Variants in PER2 observed in about 807,000 individuals in gnomAD.
PER2 encodes period circadian protein homolog 2.
Under a neutral mutation model 121.0 loss-of-function variants are expected in PER2, and 66 were observed. The observed-to-expected ratio is 0.55, with a 90% CI of 0.45 to 0.67. The LOEUF (loss-of-function observed/expected upper bound fraction) is 0.67, where lower values mean the gene tolerates loss of function less well. PER2 is among the 30% of genes least tolerant of loss of function. The probability of loss-of-function intolerance (pLI) is 0.00; values close to 1 mark genes in which losing one functional copy is unlikely to be tolerated. For synonymous variants in PER2, 684 were observed against 659.9 expected (o/e 1.04, Z -0.56); for missense variants, 1,521 against 1,635.0 (o/e 0.93, Z 1.20).
rs1695409798 is a variant in PER2, at chr2:238,245,057, A to AG, written c.*1317_*1318insC. The stretch of plus-strand genomic sequence containing the variant: ...AAACTCCATCTAAAAAAAAAAAAAA[A>AG]AAAAAAAAAAAAAGAAAACCCTGGT... On this transcript the variant is annotated 3_prime_UTR_variant, in exon 23 of 23. Coordinates refer to ENST00000254657, the MANE Select transcript of PER2 (RefSeq NM_022817.3). 1 of 150,422 alleles carries AG rather than the reference A, an allele frequency of 6.6e-6. No individual in the cohort carries two copies. The highest frequency in any genetic ancestry group is 1.5e-5 in the Non-Finnish European group (1 of 67,660). The allele number at this position is 150,422 out of a possible 1,614,324, so 9.3% of individuals were successfully genotyped here.
rs1574836012 is a variant in PER2, at chr2:238,246,401, T to G, written c.3742A>C (p.Asn1248His). The G allele has an allele frequency of 6.2e-7, 1 of 1,612,476 alleles. No individual in the cohort carries two copies. The highest frequency in any genetic ancestry group is 1.7e-4 in the Middle Eastern group (1 of 6,052). Residue 1248 changes from asparagine to histidine, a missense_variant, in exon 23 of 23, where the codon AAT (asparagine) becomes CAT (histidine). Coordinates refer to ENST00000254657, the MANE Select transcript of PER2 (RefSeq NM_022817.3). Reference protein sequence around the residue: ...TKEDENGSPLNHRIEEQT With the variant: ...TKEDENGSPLHHRIEEQT The stretch of plus-strand genomic sequence containing the variant: ...TACGTCTGCTCTTCGATCCTGTGAT[T>G]CAAGGGGGATCCATTTTCGTCTTCT...
At chr2:238,255,479 C>G in intron 18 of PER2, 178 bp downstream of exon 18, 2 of 677,690 alleles carry the variant, frequency 3.0e-6, no homozygotes, top group Non-Finnish European at 5.2e-6. Flanking sequence ...CCCGAGAGCA[C>G]CCCCCCGGTG....
At chr2:238,272,627 T>C (rs1696324678) in intron 5 of PER2, among the ~76,000 whole-genome samples, 2 of 152,268 alleles carry the variant, frequency 1.3e-5, no homozygotes, top group South Asian at 4.1e-4. Flanking sequence ...TGTGTGTATG[T>C]GGCCCATGTG....
Position 238,245,757 on chromosome 2 carries a change from C to T in PER2, c.*618G>A. 1 of 398,266 alleles carries T rather than the reference C, an allele frequency of 2.5e-6. No individual in the cohort carries two copies. Among genetic ancestry groups the T allele is most frequent in the Non-Finnish European group, 4.4e-6 (1 of 225,906 alleles). 24.7% of individuals were successfully genotyped at this position (398,266 alleles called of 1,614,324 possible). ...ATGTTTCAACTTTGTTCACTACAAA[C>T]AAAACCTATGTCAGACTGAAATATT... On this transcript the variant is annotated 3_prime_UTR_variant, in exon 23 of 23. Coordinates refer to ENST00000254657, the MANE Select transcript of PER2 (RefSeq NM_022817.3).
In PER2 at chr2:238,245,948, A is replaced by G. The variant is rs1695435959; in HGVS notation, c.*427T>C. ...TAATTCAGATAAAAAGCAGTCCCCA[A>G]GAGAGGACAAAATTTGATCTGATCC... On this transcript the variant is annotated 3_prime_UTR_variant, in exon 23 of 23. Coordinates refer to ENST00000254657, the MANE Select transcript of PER2 (RefSeq NM_022817.3). 2 of 273,384 alleles carry G rather than the reference A, an allele frequency of 7.3e-6. No individual in the cohort carries two copies. Among genetic ancestry groups the G allele is most frequent in the Non-Finnish European group, 1.4e-5 (2 of 148,144 alleles). 16.9% of individuals were successfully genotyped at this position (273,384 alleles called of 1,614,324 possible).
intron 4 of PER2, among the ~76,000 whole-genome samples, chr2:238,274,386 T>C (rs1470410973): frequency 6.6e-6 from 1 of 152,270 alleles, no homozygotes; most frequent in Non-Finnish European, 1.5e-5. Context: ...GTGTGCTTCC[T>C]GCAATGTGGT....
In PER2 at chr2:238,288,448, C is replaced by T. The variant is rs1696857516; in HGVS notation, c.-119G>A. On this transcript the variant is annotated 5_prime_UTR_variant, in exon 1 of 23. Coordinates refer to ENST00000254657, the MANE Select transcript of PER2 (RefSeq NM_022817.3). ...CGAGCGCACCCTGCGCGCGGCTCGA[C>T]CACTCTCCACCTGGGACAGGGCCAA... 1 of 152,272 alleles carries T rather than the reference C, an allele frequency of 6.6e-6. No homozygotes were observed. The highest frequency in any genetic ancestry group is 1.9e-4 in the East Asian group (1 of 5,194). 9.4% of individuals were successfully genotyped at this position (152,272 alleles called of 1,614,324 possible). A position where few individuals can be genotyped will look rare whatever the true frequency, so the allele number is the denominator to read the frequency against.
intron 20 of PER2, 66 bp from the exon 21 acceptor site, chr2:238,250,809 C>T: frequency 2.6e-6 from 3 of 1,163,212 alleles, no homozygotes; most frequent in Non-Finnish European, 1.3e-6. Context: ...GCATAATGTG[C>T]TTCCTCAAAG....
At chr2:238,287,390 C>T (rs537821451) in intron 1 of PER2, among the ~76,000 whole-genome samples, 1 of 152,354 alleles carries the variant, frequency 6.6e-6, no homozygotes, top group East Asian at 1.9e-4. Flanking sequence ...TCTTCTCAGG[C>T]ACACCCAGCC....
chr2:238,290,350 C>T (rs1281481501), upstream of PER2, among the ~76,000 whole-genome samples: 1 of 152,130 alleles, frequency 6.6e-6, no homozygotes. Flanking sequence ...CTGCTGCGCC[C>T]TGCACACACC....
chr2:238,264,635 A>AT (rs1269914636), intron 9 of PER2, among the ~76,000 whole-genome samples: 1 of 151,064 alleles, frequency 6.6e-6, no homozygotes, highest in Non-Finnish European at 1.5e-5. Flanking sequence ...TTTTCTTTCT[A>AT]TTTTTTTGAG....
intron 17 of PER2, 22 bp downstream of exon 17, chr2:238,256,900 A>T: frequency 6.2e-7 from 1 of 1,610,116 alleles, no homozygotes; most frequent in Non-Finnish European, 8.5e-7. Context: ...CTGCTCTCTG[A>T]TCCAAGAGCC....
intron 13 of PER2, among the ~76,000 whole-genome samples, chr2:238,260,437 G>T (rs1397275112): frequency 6.6e-6 from 1 of 152,036 alleles, no homozygotes; most frequent in Non-Finnish European, 1.5e-5. Flanking sequence ...TGTATTTTTA[G>T]TAGAGACGGG....
Position 238,273,064 on chromosome 2 carries a change from G to A in PER2, c.570+6C>T, listed in dbSNP as rs373082143. On this transcript the variant is annotated splice_donor_region_variant and intron_variant, in intron 5 of 22. Coordinates refer to ENST00000254657, the MANE Select transcript of PER2 (RefSeq NM_022817.3). ...TTAGAAAGAAACTTTGCGGAAAGAG[G>A]CTTACGGCATTCTTCACAATGTGCT... 37 of 1,614,016 alleles carry A rather than the reference G, an allele frequency of 2.3e-5. No individual in the cohort carries two copies. The African/African-American group carries it at 3.9e-4, about 17-fold the overall frequency.
chr2:238,263,209 C>A, intron 9 of PER2, 151 bp from the exon 10 acceptor site: 1 of 667,420 alleles, frequency 1.5e-6, no homozygotes, highest in Non-Finnish European at 2.7e-6. Context: ...ACTAACAGAA[C>A]CAGCTAGACT....
At chr2:238,282,568 A>T (rs552511184) in intron 1 of PER2, among the ~76,000 whole-genome samples, 11 of 152,376 alleles carry the variant, frequency 7.2e-5, no homozygotes, top group African/African-American at 2.6e-4. Context: ...GACATAGATG[A>T]ACAAGTCCAA....
chr2:238,299,965 G>C, the PER2 span: 1 of 152,276 alleles, frequency 6.6e-6, no homozygotes, highest in African/African-American at 2.4e-5. Flanking sequence ...CAAAGCTAAT[G>C]TGTGCCAGCA....
upstream of PER2, chr2:238,290,016 GTTC>G (rs941580745): frequency 3.9e-4 from 59 of 152,340 alleles, no homozygotes; most frequent in African/African-American, 1.2e-3. Context: ...TACTCTTCTT[GTTC>G]TTCTTTACCT....
chr2:238,255,462 C>T, intron 18 of PER2, 195 bp downstream of exon 18: 1 of 654,960 alleles, frequency 1.5e-6, no homozygotes, highest in Non-Finnish European at 2.7e-6. Context: ...GGAATGCAAG[C>T]TGACATCCCG....
Sources: allele counts gnomAD v4.1 joint callset (sites outside exome capture counted in the v4.1 genomes callset), GRCh38; gene constraint gnomAD v4.1.1; transcripts MANE v1.5; gene names NCBI Gene and HGNC (gene_info 2026-07-23, HGNC 2026-07-21).